LIMS2: variants seen among roughly 807,000 people sequenced by gnomAD.
The protein encoded by LIMS2 is LIM and senescent cell antigen-like-containing domain protein 2.
Under a neutral mutation model 45.3 loss-of-function variants are expected in LIMS2, and 30 were observed. That is an observed-to-expected ratio of 0.66 (90% CI 0.50 to 0.90). LIMS2 has a LOEUF of 0.90. Among genes scored for constraint, LIMS2 ranks in the 40% least tolerant of loss-of-function variants. The probability of loss-of-function intolerance (pLI) is 0.00; values close to 1 mark genes in which losing one functional copy is unlikely to be tolerated. For synonymous variants in LIMS2, 173 were observed against 188.0 expected, an observed-to-expected ratio of 0.92 and a Z score of 0.65; for missense variants, 485 against 468.7, an observed-to-expected ratio of 1.03 and a Z score of -0.32.
intron 9 of LIMS2, among the ~76,000 whole-genome samples, chr2:127,639,817 G>A (rs1682221295): frequency 6.6e-6 from 1 of 152,164 alleles, no homozygotes; most frequent in African/African-American, 2.4e-5. Flanking sequence ...CCAGAGCCCA[G>A]GGTTCTGGCA....
At chr2:127,639,818 G>C (rs1474896326) in intron 9 of LIMS2, among the ~76,000 whole-genome samples, 1 of 152,164 alleles carries the variant, frequency 6.6e-6, no homozygotes, top group Non-Finnish European at 1.5e-5. Flanking sequence ...CAGAGCCCAG[G>C]GTTCTGGCAG....
upstream of LIMS2, among the ~76,000 whole-genome samples, chr2:127,675,776 G>A (rs946839194): frequency 2.6e-5 from 4 of 152,184 alleles, no homozygotes; most frequent in African/African-American, 4.8e-5. Flanking sequence ...TCCCTCCCGA[G>A]GCACCCGGGA....
chr2:127,644,567 G>A (rs540598594), intron 4 of LIMS2, among the ~76,000 whole-genome samples: 177 of 152,336 alleles, frequency 1.2e-3, no homozygotes, highest in Non-Finnish European at 1.8e-3. Flanking sequence ...GACTCAGCAT[G>A]TAGGCCCCAT....
At chr2:127,655,012 T>C in intron 2 of LIMS2, 116 bp from the exon 3 acceptor site, 1 of 965,338 alleles carries the variant, frequency 1.0e-6, no homozygotes, top group Non-Finnish European at 1.6e-6. Context: ...GGCAGGGGCA[T>C]GCCGGGCTGA....
intron 1 of LIMS2, among the ~76,000 whole-genome samples, chr2:127,668,223 G>A (rs1685101043): frequency 6.6e-6 from 1 of 152,122 alleles, no homozygotes; most frequent in Admixed American, 6.5e-5. Context: ...ACTTAATATT[G>A]TTAAGATGGC....
chr2:127,656,710 C>T (rs373075370), intron 2 of LIMS2, among the ~76,000 whole-genome samples: 2 of 152,218 alleles, frequency 1.3e-5, no homozygotes, highest in African/African-American at 2.4e-5. Flanking sequence ...CCGCCGCGCC[C>T]GGCCAGGTCA....
Position 127,647,245 on chromosome 2 carries a change from C to T in LIMS2, c.360-4173G>A, listed in dbSNP as rs1445321977. On this transcript the variant is annotated intron_variant, in intron 4 of 9. Coordinates refer to ENST00000355119, the MANE Select transcript of LIMS2 (RefSeq NM_001161403.3). The surrounding 1 kb of genome is among the most constrained non-coding windows in gnomAD (Gnocchi z 4.3). ...TAAAATGAGGGAGTGGCCCCAGGGC[C>T]AGGAGGGGGTGCTGAGCCTGGGAGA... 6.6e-6 allele frequency among the ~76,000 whole-genome samples: 1 copy of T among 152,172 alleles called. No individual in the cohort carries two copies. Among genetic ancestry groups the T allele is most frequent in the Non-Finnish European group, 1.5e-5 (1 of 68,012 alleles).
At chr2:127,662,948 C>T (rs1175528114) in intron 1 of LIMS2, among the ~76,000 whole-genome samples, 1 of 152,164 alleles carries the variant, frequency 6.6e-6, no homozygotes, top group African/African-American at 2.4e-5. Context: ...GCTCTAGTGG[C>T]TTTTCTTTTA....
rs1045133162 is a variant in LIMS2, at chr2:127,664,223, C to A, written c.12-6661G>T. On this transcript the variant is annotated intron_variant, in intron 1 of 9. Transcript: ENST00000355119. The surrounding 1 kb of genome is among the most constrained non-coding windows in gnomAD (Gnocchi z 5.5). ...GCCCACGGCGTCGGAGGGCCCCGGT[C>A]GGGTTTCCGAGGGAAGGCCTGCCCT... is the stretch of plus-strand genomic sequence containing the variant. 9.7e-6 allele frequency: 11 copies of A among 1,139,824 alleles called. No individual in the cohort carries two copies. The highest frequency in any genetic ancestry group is 3.5e-4 in the Middle Eastern group (1 of 2,880). The allele number at this position is 1,139,824 out of a possible 1,614,324, so 70.6% of individuals were successfully genotyped here.
chr2:127,676,241 G>C (rs968618158), upstream of LIMS2, among the ~76,000 whole-genome samples: 1 of 152,174 alleles, frequency 6.6e-6, no homozygotes, highest in Non-Finnish European at 1.5e-5. Flanking sequence ...TGGCAGCAGA[G>C]AAAGATGATC....
At chr2:127,643,609 C>T in intron 4 of LIMS2, 2 of 456,570 alleles carry the variant, frequency 4.4e-6, no homozygotes, top group Non-Finnish European at 8.8e-6. Flanking sequence ...CAGGAACTGT[C>T]ACTACAGAGT....
Position 127,642,490 on chromosome 2 carries a change from G to A in LIMS2, c.510-291C>T, listed in dbSNP as rs1682527897. The stretch of plus-strand genomic sequence containing the variant: ...CCTCCTCCTCCAAACCAGAGGGGGT[G>A]TCTGGATAGGCACGGAGAGGACTGG... On this transcript the variant is annotated intron_variant, in intron 5 of 9. Coordinates refer to ENST00000355119, the MANE Select transcript of LIMS2 (RefSeq NM_001161403.3). This position sits in a 1 kb window ranked among gnomAD's most constrained non-coding sequence, Gnocchi z 5.3. 2.7e-6 allele frequency: 1 copy of A among 366,802 alleles called. No individual in the cohort carries two copies. Among genetic ancestry groups the A allele is most frequent in the Non-Finnish European group, 4.9e-6 (1 of 203,468 alleles). The allele number at this position is 366,802 out of a possible 1,614,324, so 22.7% of individuals were successfully genotyped here.
Position 127,642,952 on chromosome 2 carries a change from G to T in LIMS2, c.480C>A (p.His160Gln). ...AGTGGGTGCAGTTGAAGTGGTCAGG[G>T]TGGTAGGCGTCGCTCCTGAACATGA... ...QPLMFRSDAY[H>Q]PDHFNCTHCG... Residue 160 changes from histidine (H) to glutamine (Q), a missense_variant, in exon 5 of 10, where the codon CAC (histidine) becomes CAA (glutamine). Physicochemically the swap from His to Gln is conservative, Grantham distance 24 (BLOSUM62 0). Coordinates refer to ENST00000355119, the MANE Select transcript of LIMS2 (RefSeq NM_001161403.3). This position sits in a 1 kb window ranked among gnomAD's most constrained non-coding sequence, Gnocchi z 5.3. 1 of 1,566,770 alleles carries T rather than the reference G, an allele frequency of 6.4e-7. No individual in the cohort carries two copies. The highest frequency in any genetic ancestry group is 8.7e-7 in the Non-Finnish European group (1 of 1,155,942).
At position 127,639,430 on chromosome 2, in the gene LIMS2, TGAG is replaced by T; in HGVS notation, c.879-5_879-3del. On this transcript the variant is annotated splice_region_variant and splice_polypyrimidine_tract_variant and intron_variant, in intron 9 of 9. Transcript: ENST00000355119. ...ATGTCGAACTCCACAAACTTGTTCC[TGAG>T]GAGGAAGCTGAGCTGTCAGCAGAGC... is the stretch of plus-strand genomic sequence containing the variant. 6.2e-7 allele frequency: 1 copy of T among 1,613,558 alleles called. No homozygotes were observed. The highest frequency in any genetic ancestry group is 8.5e-7 in the Non-Finnish European group (1 of 1,179,748).
At chr2:127,673,785 G>T in intron 1 of LIMS2, 1 of 1,539,422 alleles carries the variant, frequency 6.5e-7, no homozygotes, top group Non-Finnish European at 8.8e-7. Flanking sequence ...TGGCAGGGAT[G>T]CTCTGAGGAA....
chr2:127,662,054 G>A (rs369895979), intron 1 of LIMS2, among the ~76,000 whole-genome samples: 1 of 152,202 alleles, frequency 6.6e-6, no homozygotes, highest in Non-Finnish European at 1.5e-5. Context: ...CCCAAGATGA[G>A]CAAGTGTTGC....
In LIMS2 at chr2:127,654,845, A is replaced by C. The variant is rs758521742; in HGVS notation, c.223T>G (p.Cys75Gly). Residue 75 changes from cysteine (C) to glycine (G), a missense_variant, in exon 3 of 10, where the codon TGC becomes GGC. Physicochemically the swap from Cys to Gly is radical, Grantham distance 159 (BLOSUM62 -3). Coordinates refer to ENST00000355119, the MANE Select transcript of LIMS2 (RefSeq NM_001161403.3). ...CCGGCCTTACCGCAGGATCCACAGC[A>C]CGGAGCAAACAGCATTTGGAAGTCG... ...EHDFQMLFAP[C>G]CGSCGEFIIG... The C allele has an allele frequency of 6.2e-7, 1 of 1,614,164 alleles. No individual in the cohort carries two copies. Among genetic ancestry groups the C allele is most frequent in the South Asian group, 1.1e-5 (1 of 91,088 alleles).
chr2:127,679,277 G>A (rs577322948), upstream of LIMS2, among the ~76,000 whole-genome samples: 26 of 152,186 alleles, frequency 1.7e-4, no homozygotes, highest in African/African-American at 6.3e-4. This position sits in a 1 kb window ranked among gnomAD's most constrained non-coding sequence, Gnocchi z 5.3. Context: ...CAGTGCCCCT[G>A]GGGGGAGAAT....
chr2:127,649,855 T>G, intron 4 of LIMS2: 1 of 653,376 alleles, frequency 1.5e-6, no homozygotes, highest in Non-Finnish European at 2.6e-6. Flanking sequence ...TCAACAGCGC[T>G]GGCCAGTGTC....
Sources: allele counts gnomAD v4.1 joint callset (sites outside exome capture counted in the v4.1 genomes callset), GRCh38; gene constraint gnomAD v4.1.1; non-coding constraint Gnocchi (gnomAD v3.1); transcripts MANE v1.5; gene names NCBI Gene and HGNC (gene_info 2026-07-23, HGNC 2026-07-21).